FRS2: variants seen among roughly 807,000 people sequenced by gnomAD.
FRS2 encodes FGFR signalling adaptor.
A neutral mutation model predicts 43.9 loss-of-function variants in FRS2; 8 were observed. The ratio of observed to expected loss-of-function variants is 0.18; its 90% CI spans 0.11 to 0.33. FRS2 has a LOEUF of 0.33. FRS2 is among the 10% of genes least tolerant of loss of function. FRS2 has a pLI of 1.00. For missense variants in FRS2, 534 were observed against 627.6 expected, an observed-to-expected ratio of 0.85 and a Z score of 1.59; for synonymous variants, 219 against 220.3, an observed-to-expected ratio of 0.99 and a Z score of 0.05.
At chr12:69,546,074 GAA>G (rs1243919363) in intron 3 of FRS2, among the ~76,000 whole-genome samples, 1 of 152,112 alleles carries the variant, frequency 6.6e-6, no homozygotes, top group African/African-American at 2.4e-5. Flanking sequence ...GACAATACAA[GAA>G]AAAACTTCTG....
intron 1 of FRS2, among the ~76,000 whole-genome samples, chr12:69,524,057 G>A (rs1298241721): frequency 6.6e-6 from 1 of 152,226 alleles, no homozygotes; most frequent in Non-Finnish European, 1.5e-5. Flanking sequence ...TGCAGCAGCT[G>A]GGTGGCAGCA....
At chr12:69,475,986 A>T (rs1312347371) in intron 1 of FRS2, among the ~76,000 whole-genome samples, 1 of 151,902 alleles carries the variant, frequency 6.6e-6, no homozygotes, top group Non-Finnish European at 1.5e-5. Context: ...TTGTTTTTTA[A>T]ATGTCCTTGG....
intron 1 of FRS2, among the ~76,000 whole-genome samples, chr12:69,480,977 C>T (rs1355716099): frequency 6.6e-6 from 1 of 152,080 alleles, no homozygotes; most frequent in African/African-American, 2.4e-5. Context: ...AAATTTTATT[C>T]CTTAGAGCTT....
chr12:69,502,858 A>G (rs978972911), intron 1 of FRS2, among the ~76,000 whole-genome samples: 10 of 152,144 alleles, frequency 6.6e-5, no homozygotes, highest in African/African-American at 1.4e-4. Context: ...AAGTAAATCT[A>G]CCTACTCTAG....
At chr12:69,501,512 T>C (rs1873443532) in intron 1 of FRS2, among the ~76,000 whole-genome samples, 1 of 152,238 alleles carries the variant, frequency 6.6e-6, no homozygotes, top group African/African-American at 2.4e-5. Flanking sequence ...TGCCAGAAAT[T>C]GTATTCAGTA....
intron 4 of FRS2, among the ~76,000 whole-genome samples, chr12:69,567,276 C>T (rs368976991): frequency 1.3e-5 from 2 of 152,072 alleles, no homozygotes; most frequent in African/African-American, 4.8e-5. Context: ...TTAGTTAAAG[C>T]AAAAATACCA....
At chr12:69,479,608 G>A (rs1412627979) in intron 1 of FRS2, among the ~76,000 whole-genome samples, 1 of 151,818 alleles carries the variant, frequency 6.6e-6, no homozygotes, top group Non-Finnish European at 1.5e-5. Context: ...ATGTTGGCTA[G>A]GATGGTCTCC....
At chr12:69,532,186 A>G (rs1876866303) in intron 3 of FRS2, 130 bp downstream of exon 3, 1 of 152,198 alleles carries the variant, frequency 6.6e-6, no homozygotes, top group African/African-American at 2.4e-5. Flanking sequence ...TCACTAATTT[A>G]TTAGCCACTG....
At chr12:69,573,472 T>A (rs1018164975) in intron 8 of FRS2, among the ~76,000 whole-genome samples, 3 of 152,174 alleles carry the variant, frequency 2.0e-5, no homozygotes, top group African/African-American at 7.2e-5. Flanking sequence ...TATTTTATTT[T>A]ATTTTTTGAG....
intron 3 of FRS2, among the ~76,000 whole-genome samples, chr12:69,553,884 A>G (rs1376630727): frequency 6.6e-6 from 1 of 152,240 alleles, no homozygotes; most frequent in Non-Finnish European, 1.5e-5. Context: ...TTATGTTTGA[A>G]GTAAACCCAG....
At chr12:69,501,035 T>A (rs1416621278) in intron 1 of FRS2, among the ~76,000 whole-genome samples, 2 of 152,228 alleles carry the variant, frequency 1.3e-5, no homozygotes, top group Non-Finnish European at 2.9e-5. Flanking sequence ...TTTTCTACAT[T>A]ATAAAATTAA....
intron 1 of FRS2, among the ~76,000 whole-genome samples, chr12:69,473,909 C>G (rs1443888492): frequency 6.6e-6 from 1 of 152,064 alleles, no homozygotes; most frequent in Non-Finnish European, 1.5e-5. Context: ...GTGGCGTGAT[C>G]TTGGCTCACT....
chr12:69,572,309 A>G (rs1330493100), intron 8 of FRS2, 28 bp downstream of exon 8: 9 of 1,573,738 alleles, frequency 5.7e-6, no homozygotes, highest in Non-Finnish European at 7.9e-6. Context: ...TGTAACAGCA[A>G]TAATGATTGT....
At chr12:69,565,681 C>G (rs1312730606) in intron 4 of FRS2, among the ~76,000 whole-genome samples, 4 of 152,092 alleles carry the variant, frequency 2.6e-5, no homozygotes, top group Non-Finnish European at 4.4e-5. Flanking sequence ...TGAAAATCAT[C>G]CATATCACGG....
intron 1 of FRS2, among the ~76,000 whole-genome samples, chr12:69,479,480 C>T (rs1428855687): frequency 6.6e-6 from 1 of 150,646 alleles, no homozygotes; most frequent in Non-Finnish European, 1.5e-5. Flanking sequence ...TCACTGCAGC[C>T]TCTGCCTCCT....
At chr12:69,508,301 A>G (rs1241645457) in intron 1 of FRS2, among the ~76,000 whole-genome samples, 2 of 152,182 alleles carry the variant, frequency 1.3e-5, no homozygotes, top group East Asian at 3.9e-4. Flanking sequence ...AAATATATCC[A>G]AATATCTATT....
At chr12:69,475,777 C>CACA (rs1870707860) in intron 1 of FRS2, among the ~76,000 whole-genome samples, 1 of 152,114 alleles carries the variant, frequency 6.6e-6, no homozygotes, top group African/African-American at 2.4e-5. Flanking sequence ...GCCACTTAAG[C>CACA]TTGTGGCTCC....
At chr12:69,559,137 C>T (rs913449924) in intron 3 of FRS2, among the ~76,000 whole-genome samples, 1 of 152,122 alleles carries the variant, frequency 6.6e-6, no homozygotes, top group African/African-American at 2.4e-5. Context: ...ATAGACCCAT[C>T]TTAAAAGAAA....
chr12:69,509,612 C>T (rs1874275784), intron 1 of FRS2, among the ~76,000 whole-genome samples: 1 of 152,176 alleles, frequency 6.6e-6, no homozygotes, highest in Admixed American at 6.5e-5. Flanking sequence ...CCCTCCCTAG[C>T]TCTTGGCAAC....
Sources: allele counts gnomAD v4.1 joint callset (sites outside exome capture counted in the v4.1 genomes callset), GRCh38; gene constraint gnomAD v4.1.1; transcripts MANE v1.5; gene names NCBI Gene and HGNC (gene_info 2026-07-23, HGNC 2026-07-21).